SNX29: variants seen among roughly 807,000 people sequenced by gnomAD.
SNX29 encodes the protein sorting nexin 29.
Under a neutral mutation model 102.1 loss-of-function variants are expected in SNX29, and 78 were observed. The ratio of observed to expected loss-of-function variants is 0.76; its 90% CI spans 0.64 to 0.92. The LOEUF (loss-of-function observed/expected upper bound fraction) is 0.92. Among genes scored for constraint, SNX29 ranks in the 40% least tolerant of loss-of-function variants. The pLI is 0.00. For missense variants in SNX29, 1,280 were observed against 1,061.7 expected (o/e 1.21, Z -2.86); for synonymous variants, 580 against 414.5 (o/e 1.40, Z -4.85).
intron 20 of SNX29, among the ~76,000 whole-genome samples, chr16:12,565,100 C>T (rs114541170): frequency 1.3e-5 from 2 of 151,914 alleles, no homozygotes; most frequent in Admixed American, 6.6e-5. Flanking sequence ...GTCTTCTCTT[C>T]TGAGTACTGG....
intron 20 of SNX29, among the ~76,000 whole-genome samples, chr16:12,548,706 C>G (rs1002236490): frequency 5.9e-5 from 9 of 152,194 alleles, no homozygotes; most frequent in Admixed American, 4.6e-4. Context: ...GGGCATTGTA[C>G]TGGTGTAGGA....
chr16:12,067,154 C>A (rs116281293), intron 9 of SNX29, among the ~76,000 whole-genome samples: 1,683 of 152,128 alleles, frequency 0.011, 32 homozygotes, highest in African/African-American at 0.038. Flanking sequence ...CACTGCTCTC[C>A]AGCCTGGGTG....
intron 13 of SNX29, among the ~76,000 whole-genome samples, chr16:12,172,353 A>G (rs1282355580): frequency 6.6e-6 from 1 of 152,168 alleles, no homozygotes; most frequent in Non-Finnish European, 1.5e-5. Flanking sequence ...TGCAGGGCTG[A>G]GATCTGTCAT....
intron 18 of SNX29, among the ~76,000 whole-genome samples, chr16:12,451,565 A>C (rs575718905): frequency 2.0e-4 from 30 of 152,364 alleles, no homozygotes; most frequent in African/African-American, 7.2e-4. Flanking sequence ...CACTGGTTGC[A>C]TTCAAGAAAC....
At chr16:12,496,679 T>C (rs1386482213) in intron 19 of SNX29, among the ~76,000 whole-genome samples, 4 of 151,906 alleles carry the variant, frequency 2.6e-5, no homozygotes, top group Non-Finnish European at 5.9e-5. Context: ...CCTGGCTAAT[T>C]TTTGTATTTT....
At chr16:12,537,882 C>G (rs9788843) in intron 20 of SNX29, among the ~76,000 whole-genome samples, 25,195 of 151,294 alleles carry the variant, frequency 0.17, 2,267 homozygotes, top group South Asian at 0.25. Flanking sequence ...CTTTTTGGGA[C>G]GCTAAGGCAG....
chr16:12,535,472 G>A (rs932766811), intron 20 of SNX29, among the ~76,000 whole-genome samples: 1 of 152,216 alleles, frequency 6.6e-6, no homozygotes, highest in Non-Finnish European at 1.5e-5. Context: ...TGAGGTTAGT[G>A]TTACTGTCCC....
At chr16:12,166,021 C>G (rs1356677538) in intron 13 of SNX29, among the ~76,000 whole-genome samples, 1 of 152,212 alleles carries the variant, frequency 6.6e-6, no homozygotes, top group African/African-American at 2.4e-5. Context: ...AGTCCTTATC[C>G]TGGTGTTTAA....
chr16:12,153,565 C>T (rs1365414355), intron 13 of SNX29, among the ~76,000 whole-genome samples: 1 of 151,934 alleles, frequency 6.6e-6, no homozygotes, highest in Non-Finnish European at 1.5e-5. Context: ...CCTCTGCCTC[C>T]TGGGTTCAAG....
intron 15 of SNX29, among the ~76,000 whole-genome samples, chr16:12,330,749 A>G (rs569064170): frequency 2.6e-5 from 4 of 152,222 alleles, no homozygotes; most frequent in Admixed American, 6.5e-5. Context: ...GCTCCCAGAA[A>G]ATCACTTCAG....
At position 12,139,185 on chromosome 16, in the gene SNX29, C is replaced by T. The variant is rs754059492; in HGVS notation, c.1595+9427C>T. On this transcript the variant is annotated intron_variant, in intron 13 of 20. Transcript: ENST00000566228. The stretch of plus-strand genomic sequence containing the variant: ...GTACTCCAGAGCCTGGGCGATAGAG[C>T]GAGACTCTAAAAAAAAAAAAAAAAA... Among the ~76,000 whole-genome samples, 101 of 102,226 alleles carry T rather than the reference C, an allele frequency of 9.9e-4. 1 individual carries two copies. Among genetic ancestry groups the T allele is most frequent in the South Asian group, 4.0e-3 (11 of 2,782 alleles). 67.1% of individuals were successfully genotyped at this position (102,226 alleles called of 152,430 possible).
intron 20 of SNX29, among the ~76,000 whole-genome samples, chr16:12,548,549 T>C (rs989711863): frequency 6.6e-6 from 1 of 152,154 alleles, no homozygotes; most frequent in Non-Finnish European, 1.5e-5. Context: ...GAATTCCCTC[T>C]AGGGATTTTC....
chr16:12,133,950 T>A (rs2054565902), intron 13 of SNX29, among the ~76,000 whole-genome samples: 1 of 152,224 alleles, frequency 6.6e-6, no homozygotes, highest in African/African-American at 2.4e-5. Context: ...ACATTCCTTT[T>A]GCTAAGAATT....
chr16:12,326,260 C>G lies in SNX29; in HGVS notation c.1783-29903C>G, dbSNP rs561145991. ...CTCCTGACCTCTCAGGTGATCTGCC[C>G]GCCTTGGCCCCACAAAGTGCTGGTA... On this transcript the variant is annotated intron_variant, in intron 15 of 20. Coordinates refer to ENST00000566228, the MANE Select transcript of SNX29 (RefSeq NM_032167.5). Among the ~76,000 whole-genome samples the G allele has an allele frequency of 8.4e-4, 127 of 151,976 alleles. 6 individuals are homozygous for G. In the South Asian group the frequency reaches 0.023, roughly 27 times the overall value.
Position 12,324,640 on chromosome 16 carries a change from T to G in SNX29, c.1783-31523T>G, listed in dbSNP as rs575772204. The stretch of plus-strand genomic sequence containing the variant: ...TTGCAACCTCTGGTCTAAGCCCATT[T>G]GTGAATTGATCCCCTTCCCCTCTCC... On this transcript the variant is annotated intron_variant, in intron 15 of 20. Coordinates refer to ENST00000566228, the MANE Select transcript of SNX29 (RefSeq NM_032167.5). 5.3e-4 allele frequency among the ~76,000 whole-genome samples: 80 copies of G among 152,238 alleles called. 1 individual carries two copies. The highest frequency in any genetic ancestry group is 7.6e-4 in the Non-Finnish European group (52 of 68,016).
At chr16:12,442,966 A>G in intron 18 of SNX29, 1 of 455,802 alleles carries the variant, frequency 2.2e-6, no homozygotes, top group East Asian at 6.9e-5. Flanking sequence ...ATGCTAAAGA[A>G]TACTACTTTT....
intron 20 of SNX29, among the ~76,000 whole-genome samples, chr16:12,544,506 C>T (rs959809167): frequency 6.6e-6 from 1 of 152,164 alleles, no homozygotes; most frequent in African/African-American, 2.4e-5. Flanking sequence ...GTCTAGATGG[C>T]ATTTTTCTGT....
At chr16:11,992,832 A>G (rs2055906427) in intron 1 of SNX29, among the ~76,000 whole-genome samples, 1 of 152,126 alleles carries the variant, frequency 6.6e-6, no homozygotes. Context: ...CGTCACCTCC[A>G]CCGCTGCATG....
Position 12,566,758 on chromosome 16 carries a change from C to G in SNX29, c.2319-1748C>G, listed in dbSNP as rs141782629. On this transcript the variant is annotated intron_variant, in intron 20 of 20. Transcript: ENST00000566228. ...CTTTGGGCCTGCAGCCAGACACCCA[C>G]CTAAAGGAGGAAAGCACAGCACACG... 3.6e-3 allele frequency among the ~76,000 whole-genome samples: 546 copies of G among 152,248 alleles called. 2 individuals are homozygous for G. The highest frequency in any genetic ancestry group is 0.012 in the African/African-American group (515 of 41,550).
Sources: gnomAD v4.1 joint callset for allele counts (sites outside exome capture counted in the v4.1 genomes callset) on GRCh38, gnomAD v4.1.1 for gene constraint, MANE v1.5 for transcripts, NCBI Gene and HGNC (gene_info 2026-07-23, HGNC 2026-07-21) for gene names.